Variants in DDX60 observed in about 807,000 individuals in gnomAD.
The protein encoded by DDX60 is probable ATP-dependent RNA helicase DDX60.
A neutral mutation model predicts 212.8 loss-of-function variants in DDX60; 165 were observed. The ratio of observed to expected loss-of-function variants is 0.78; its 90% CI spans 0.68 to 0.88. The LOEUF is 0.88. Ranked by LOEUF, DDX60 falls within the 40% of genes least tolerant of loss-of-function variation. The pLI, the probability that DDX60 is intolerant of heterozygous loss-of-function variation, is 0.00. For synonymous variants in DDX60, 703 were observed against 685.3 expected, an observed-to-expected ratio of 1.03 and a Z score of -0.40; for missense variants, 1,905 against 2,003.9, an observed-to-expected ratio of 0.95 and a Z score of 0.94.
intron 29 of DDX60, among the ~76,000 whole-genome samples, chr4:168,246,891 A>T (rs1734043235): frequency 6.6e-6 from 1 of 152,180 alleles, no homozygotes; most frequent in Non-Finnish European, 1.5e-5. Flanking sequence ...AGAAATAATG[A>T]TCTATTGAAG....
chr4:168,306,480 T>A lies in DDX60; in HGVS notation c.505A>T (p.Lys169Ter). The change falls in exon 5 of 38, where the codon AAG becomes TAG. Residue 169 changes from lysine to a stop codon, truncating the protein, a stop_gained. Transcript: ENST00000393743. LOFTEE classifies it high-confidence loss of function. ...CCTGAGGAAAGTACAACGTTGACCT[T>A]CCTTGCCCAAGAATGAATGATTAAA... is the stretch of plus-strand genomic sequence containing the variant. ...NFLIIHSWAR[K>*]VNVVLSSGQE... 6.2e-7 allele frequency: 1 copy of A among 1,614,198 alleles called. No homozygotes were observed. The highest frequency in any genetic ancestry group is 1.3e-5 in the African/African-American group (1 of 75,064).
Position 168,287,725 on chromosome 4 carries a change from A to T in DDX60, c.1183+449T>A, listed in dbSNP as rs553218325. On this transcript the variant is annotated intron_variant, in intron 9 of 37. Coordinates refer to ENST00000393743, the MANE Select transcript of DDX60 (RefSeq NM_017631.6). ...TTGTTCGGTTTTACTATTAGGAAAC[A>T]TCAGAAATCTTACCCTAAGAAAAGA... is the stretch of plus-strand genomic sequence containing the variant. Among the ~76,000 whole-genome samples, 3 of 152,270 alleles carry T rather than the reference A, an allele frequency of 2.0e-5. No homozygotes were observed. In the East Asian group the frequency reaches 5.8e-4, roughly 29 times the overall value.
intron 8 of DDX60, among the ~76,000 whole-genome samples, chr4:168,291,507 C>T (rs1016407994): frequency 3.3e-5 from 5 of 152,126 alleles, no homozygotes; most frequent in Admixed American, 3.3e-4. Context: ...CTGACCTTGG[C>T]AGAGATTTAA....
intron 13 of DDX60, among the ~76,000 whole-genome samples, chr4:168,282,314 A>C (rs752147205): frequency 2.0e-5 from 3 of 152,112 alleles, no homozygotes; most frequent in Non-Finnish European, 4.4e-5. Flanking sequence ...AAATACAAGA[A>C]CTTTTTTGAT....
At chr4:168,217,373 T>C (rs569853638) in intron 37 of DDX60, among the ~76,000 whole-genome samples, 2 of 152,310 alleles carry the variant, frequency 1.3e-5, no homozygotes, top group East Asian at 3.9e-4. Flanking sequence ...AGTCATTTTG[T>C]GTTATTTATG....
At chr4:168,246,716 T>A in intron 29 of DDX60, 98 bp from the exon 30 acceptor site, 1 of 1,260,222 alleles carries the variant, frequency 7.9e-7, no homozygotes, top group Non-Finnish European at 1.1e-6. Context: ...AGCATGGAAA[T>A]TGTGCATATG....
rs746159855 is a variant in DDX60 at position 168,262,777 on chromosome 4, T to C, written c.3050A>G (p.Tyr1017Cys). 2.0e-5 allele frequency: 32 copies of C among 1,602,172 alleles called. No homozygotes were observed. In the South Asian group the frequency reaches 3.0e-4, roughly 15 times the overall value. ...AAGGGTAAGATCAGGAGGGAATCCA[T>C]ACCTTTCAATCTGTTTAAAATAAAA... ...AALTTDHIER[Y>C]GFPPDLTLSP... Residue 1017 changes from tyrosine (Y) to cysteine (C), a missense_variant, in exon 23 of 38, where the codon TAT (tyrosine) becomes TGT (cysteine). Coordinates refer to ENST00000393743, the MANE Select transcript of DDX60 (RefSeq NM_017631.6).
intron 6 of DDX60, among the ~76,000 whole-genome samples, chr4:168,300,562 T>C (rs1006873247): frequency 4.6e-5 from 7 of 150,652 alleles, no homozygotes; most frequent in African/African-American, 1.7e-4. Flanking sequence ...AGCTACGATC[T>C]ATGTGTTTAA....
At chr4:168,324,657 A>G in the DDX60 span, among the ~76,000 whole-genome samples, 1 of 152,232 alleles carries the variant, frequency 6.6e-6, no homozygotes, top group Non-Finnish European at 1.5e-5. Context: ...AGCATCAGAG[A>G]TGGAGCAGTC....
intron 33 of DDX60, among the ~76,000 whole-genome samples, chr4:168,230,166 C>T (rs1347343029): frequency 1.3e-5 from 2 of 152,006 alleles, no homozygotes; most frequent in African/African-American, 4.8e-5. Context: ...AACAGGAACA[C>T]TTCACAATCC....
intron 8 of DDX60, among the ~76,000 whole-genome samples, chr4:168,289,593 C>T (rs1439289423): frequency 6.6e-6 from 1 of 152,084 alleles, no homozygotes; most frequent in East Asian, 1.9e-4. Flanking sequence ...CTTCTAAGTC[C>T]AAAACATTAT....
upstream of DDX60, among the ~76,000 whole-genome samples, chr4:168,321,577 T>C (rs1737611204): frequency 6.6e-6 from 1 of 152,186 alleles, no homozygotes; most frequent in Non-Finnish European, 1.5e-5. Flanking sequence ...CATTCTCAAG[T>C]CTTTTAAATG....
intron 4 of DDX60, 140 bp downstream of exon 4, chr4:168,307,864 ATT>A: frequency 2.5e-6 from 1 of 397,672 alleles, no homozygotes; most frequent in Non-Finnish European, 4.2e-6. Flanking sequence ...ATTGTGGGTA[ATT>A]TTTTCTCTTC....
Position 168,283,464 on chromosome 4 carries a change from G to A in DDX60, c.1704C>T (p.Pro568=), listed in dbSNP as rs374076666. 4.3e-6 allele frequency: 7 copies of A among 1,612,272 alleles called. No homozygotes were observed. The highest frequency in any genetic ancestry group is 1.3e-5 in the African/African-American group (1 of 74,706). Residue 568 remains proline (P), a synonymous_variant, in exon 13 of 38, where the codon CCC becomes CCT. Transcript: ENST00000393743. ...AACCTACGTGTGCCTTTTTGCTCTT[G>A]GGCCCACTAAAATCCTTCTTTGACT... ...TIKSKKDFSG[P]KSKKAHETKA...
chr4:168,241,039 T>C (rs894175399), intron 30 of DDX60, among the ~76,000 whole-genome samples: 1 of 152,202 alleles, frequency 6.6e-6, no homozygotes, highest in Non-Finnish European at 1.5e-5. Context: ...ATAGTGAATA[T>C]GTCTTATGAA....
chr4:168,300,914 T>A (rs545680150), intron 6 of DDX60, among the ~76,000 whole-genome samples: 1 of 152,002 alleles, frequency 6.6e-6, no homozygotes. Flanking sequence ...AAAATTACTA[T>A]ACGGAGGGAA....
chr4:168,301,626 G>A (rs2149545498), intron 6 of DDX60, among the ~76,000 whole-genome samples: 1 of 152,184 alleles, frequency 6.6e-6, no homozygotes, highest in South Asian at 2.1e-4. Flanking sequence ...TGTCCCTTAC[G>A]GTGGAATTCC....
chr4:168,260,827 C>A (rs572877894), intron 25 of DDX60, 38 bp downstream of exon 25: 1 of 1,568,062 alleles, frequency 6.4e-7, no homozygotes, highest in East Asian at 2.3e-5. Flanking sequence ...GAGTCTAATA[C>A]AATTACAAGC....
At chr4:168,237,507 G>C in intron 31 of DDX60, 80 bp from the exon 32 acceptor site, 2 of 1,350,146 alleles carry the variant, frequency 1.5e-6, no homozygotes, top group Middle Eastern at 2.1e-4. Context: ...GTTTAAAATA[G>C]TATTTAATGC....
Sources: gnomAD v4.1 joint callset for allele counts (sites outside exome capture counted in the v4.1 genomes callset) on GRCh38, gnomAD v4.1.1 for gene constraint, MANE v1.5 for transcripts, NCBI Gene and HGNC (gene_info 2026-07-23, HGNC 2026-07-21) for gene names.